The following TNRC6C variants were observed in gnomAD, a reference collection of about 807,000 sequenced individuals.
TNRC6C encodes trinucleotide repeat containing adaptor 6C.
In TNRC6C, 20 loss-of-function variants were observed where a neutral mutation model predicts 153.7. That is an observed-to-expected ratio of 0.13 (90% CI 0.09 to 0.19). The LOEUF is 0.19. Among genes scored for constraint, TNRC6C ranks in the 10% least tolerant of loss-of-function variants. The probability of loss-of-function intolerance (pLI) is 1.00; values close to 1 mark genes in which losing one functional copy is unlikely to be tolerated. For synonymous variants in TNRC6C, 811 were observed against 841.4 expected, an observed-to-expected ratio of 0.96 and a Z score of 0.63; for missense variants, 1,987 against 2,172.0, an observed-to-expected ratio of 0.91 and a Z score of 1.69.
chr17:78,023,727 G>A (rs1012485216), intron 1 of TNRC6C, among the ~76,000 whole-genome samples: 7 of 151,348 alleles, frequency 4.6e-5, no homozygotes, highest in African/African-American at 1.7e-4. Context: ...GATCACCTGA[G>A]CCCGGAAAGC....
intron 7 of TNRC6C, among the ~76,000 whole-genome samples, chr17:78,073,401 A>G (rs2073032019): frequency 1.3e-5 from 2 of 152,362 alleles, no homozygotes; most frequent in South Asian, 4.1e-4. Context: ...ACTAGACTTC[A>G]GTGGACACTG....
At chr17:77,970,980 G>T (rs1045390005) in intron 1 of TNRC6C, among the ~76,000 whole-genome samples, 1 of 152,022 alleles carries the variant, frequency 6.6e-6, no homozygotes, top group Non-Finnish European at 1.5e-5. Flanking sequence ...CTACACTTTG[G>T]CATGGGTGAT....
intron 1 of TNRC6C, among the ~76,000 whole-genome samples, chr17:77,974,729 A>T (rs1026309692): frequency 1.3e-5 from 2 of 152,246 alleles, no homozygotes; most frequent in Admixed American, 1.3e-4. Context: ...CAGTGCTATT[A>T]ACAGGTATTA....
intron 1 of TNRC6C, among the ~76,000 whole-genome samples, chr17:78,023,261 T>C (rs1248213957): frequency 6.6e-6 from 1 of 152,220 alleles, no homozygotes; most frequent in Non-Finnish European, 1.5e-5. Context: ...CTGGAACCAG[T>C]CCCTCTTGGA....
At chr17:77,997,870 G>A (rs1298954810) in intron 1 of TNRC6C, among the ~76,000 whole-genome samples, 1 of 151,942 alleles carries the variant, frequency 6.6e-6, no homozygotes, top group African/African-American at 2.4e-5. Flanking sequence ...TAGCCAGGAT[G>A]GTCTCGATGT....
At chr17:78,098,505 G>T in exon 17 of TNRC6C, 1 of 1,613,556 alleles carries the variant, frequency 6.2e-7, no homozygotes, top group Non-Finnish European at 8.5e-7. Context: ...TGGGGTGCCA[G>T]CCCCCTCGGC....
chr17:78,051,427 C>T lies in TNRC6C; in HGVS notation c.2365C>T (p.Arg789Ter). The T allele has an allele frequency of 6.6e-7, 1 of 1,520,652 alleles. No individual in the cohort carries two copies. The highest frequency in any genetic ancestry group is 8.8e-7 in the Non-Finnish European group (1 of 1,131,502). 94.2% of individuals were successfully genotyped at this position (1,520,652 alleles called of 1,614,324 possible). A position where few individuals can be genotyped will look rare whatever the true frequency, so the allele number is the denominator to read the frequency against. The change falls in exon 3 of 20, where the codon CGA becomes TGA. Residue 789 changes from arginine to a stop codon, truncating the protein, a stop_gained. Transcript: ENST00000301624. LOFTEE classifies it high-confidence loss of function. ...GCACCAGGCCGGTACTCAGCTGAAT[C>T]GATCACCGTTGCTTGGTCCAGGTAG...
chr17:78,085,459 T>G (rs1227155432), intron 11 of TNRC6C, among the ~76,000 whole-genome samples: 1 of 152,214 alleles, frequency 6.6e-6, no homozygotes, highest in Non-Finnish European at 1.5e-5. Flanking sequence ...TTTCTAATAG[T>G]ATAATCTCCA....
At chr17:78,062,705 T>C (rs533317164) in intron 3 of TNRC6C, among the ~76,000 whole-genome samples, 3 of 152,222 alleles carry the variant, frequency 2.0e-5, no homozygotes, top group East Asian at 1.9e-4. Flanking sequence ...TTTTTTGTAC[T>C]GAAGTGTGAA....
chr17:77,985,482 G>T (rs1415272320), intron 1 of TNRC6C, among the ~76,000 whole-genome samples: 4 of 151,556 alleles, frequency 2.6e-5, no homozygotes, highest in Non-Finnish European at 5.9e-5. Context: ...GGCGCCTGTA[G>T]TCCCAGCTAC....
chr17:78,063,280 A>C (rs911122770), intron 3 of TNRC6C, among the ~76,000 whole-genome samples: 6 of 148,784 alleles, frequency 4.0e-5, no homozygotes, highest in African/African-American at 1.5e-4. Flanking sequence ...ATATATATAT[A>C]TGTATAATTT....
chr17:78,077,530 G>A, intron 9 of TNRC6C, 196 bp downstream of exon 11: 1 of 704,414 alleles, frequency 1.4e-6, no homozygotes, highest in Non-Finnish European at 2.3e-6. Context: ...AAATGCTTTA[G>A]TTATATTTAT....
chr17:78,014,662 C>A (rs1343911669), intron 1 of TNRC6C, among the ~76,000 whole-genome samples: 1 of 149,614 alleles, frequency 6.7e-6, no homozygotes, highest in African/African-American at 2.5e-5. Context: ...CATTTGGTAC[C>A]TTTTAGAGAG....
At chr17:77,990,196 C>T (rs565218702) in intron 1 of TNRC6C, among the ~76,000 whole-genome samples, 1 of 152,240 alleles carries the variant, frequency 6.6e-6, no homozygotes, top group African/African-American at 2.4e-5. Flanking sequence ...GCTTTGCATC[C>T]CCAGATCTAA....
exon 20 of TNRC6C, chr17:78,106,503 T>C (rs1180201275): frequency 7.9e-6 from 1 of 126,510 alleles, no homozygotes; most frequent in Non-Finnish European, 1.6e-5. Flanking sequence ...ACCCAACTCC[T>C]AGCACTGAAG....
At chr17:77,995,225 T>C (rs573204464) in intron 1 of TNRC6C, among the ~76,000 whole-genome samples, 1 of 152,288 alleles carries the variant, frequency 6.6e-6, no homozygotes, top group African/African-American at 2.4e-5. Context: ...GAGAAGTCAC[T>C]ATGATGCTGT....
chr17:78,027,034 A>C (rs1190880266), intron 1 of TNRC6C, among the ~76,000 whole-genome samples: 1 of 152,152 alleles, frequency 6.6e-6, no homozygotes, highest in Admixed American at 6.5e-5. Flanking sequence ...AGTATAAAAG[A>C]GTGGACAACA....
intron 1 of TNRC6C, among the ~76,000 whole-genome samples, chr17:78,006,648 TTC>T (rs2071520163): frequency 6.6e-6 from 1 of 151,202 alleles, no homozygotes; most frequent in Non-Finnish European, 1.5e-5. Context: ...TCTTGAATTT[TTC>T]TGTCTGGTTT....
At chr17:78,060,504 ACT>A (rs1196680425) in intron 3 of TNRC6C, among the ~76,000 whole-genome samples, 1 of 142,536 alleles carries the variant, frequency 7.0e-6, no homozygotes, top group Non-Finnish European at 1.5e-5. Context: ...CAGAGTCTTA[ACT>A]CTGTCGCCCA....
Sources: allele counts gnomAD v4.1 joint callset (sites outside exome capture counted in the v4.1 genomes callset), GRCh38; gene constraint gnomAD v4.1.1; transcripts MANE v1.5; gene names NCBI Gene and HGNC (gene_info 2026-07-23, HGNC 2026-07-21).